The following CUL4B variants were observed in gnomAD, a reference collection of about 807,000 sequenced individuals.
CUL4B encodes cullin-4B.
A neutral mutation model predicts 69.2 loss-of-function variants in CUL4B; 1 was observed. The ratio of observed to expected loss-of-function variants is 0.01; its 90% CI spans 0.01 to 0.07. The LOEUF (loss-of-function observed/expected upper bound fraction) is 0.07. CUL4B is among the 10% of genes least tolerant of loss of function. The pLI, the probability that CUL4B is intolerant of heterozygous loss-of-function variation, is 1.00. For synonymous variants in CUL4B, 237 were observed against 223.2 expected (o/e 1.06, Z -0.55); for missense variants, 328 against 638.8 (o/e 0.51, Z 5.24).
At chrX:120,538,987 T>C (rs979632819) in intron 12 of CUL4B, among the ~76,000 whole-genome samples, 6 of 111,900 alleles carry the variant, frequency 5.4e-5, no homozygotes, top group African/African-American at 1.6e-4. Context: ...ACTGTCTTGA[T>C]TGCATTAACT....
At chrX:120,574,687 G>C in intron 1 of CUL4B, 1 of 877,973 alleles carries the variant, frequency 1.1e-6, no homozygotes. Context: ...TATCTGTATA[G>C]TGTTATGAAT....
At chrX:120,548,469 T>C (rs1924472512) in intron 2 of CUL4B, among the ~76,000 whole-genome samples, 3 of 111,993 alleles carry the variant, frequency 2.7e-5, no homozygotes, top group South Asian at 3.7e-4. Context: ...GCTAGTAGTA[T>C]GATAATGAGT....
At chrX:120,534,158 C>T (rs781300018) in intron 17 of CUL4B, among the ~76,000 whole-genome samples, 47 of 108,064 alleles carry the variant, frequency 4.3e-4, no homozygotes, top group African/African-American at 1.4e-3. Context: ...CCCCTTGAGC[C>T]CAGGAGTTTG....
chrX:120,526,406 C>T lies in CUL4B; in HGVS notation c.*355G>A. On this transcript the variant is annotated 3_prime_UTR_variant, in exon 20 of 20. Coordinates refer to ENST00000371322, the MANE Select transcript of CUL4B (RefSeq NM_001079872.2). ...TAAATGACATTTTAAGCAAATAAACCTTTTGCTTCATAATTAATGGTGTGT... is the reference window on the plus strand; with the variant it reads ...TAAATGACATTTTAAGCAAATAAACTTTTTGCTTCATAATTAATGGTGTGT... 6.0e-6 allele frequency: 1 copy of T among 166,266 alleles called. No individual in the cohort carries two copies. Among genetic ancestry groups the T allele is most frequent in the South Asian group, 1.2e-4 (1 of 8,559 alleles). 13.7% of individuals were successfully genotyped at this position (166,266 alleles called of 1,213,427 possible).
intron 2 of CUL4B, among the ~76,000 whole-genome samples, chrX:120,554,345 G>A (rs1271034068): frequency 1.8e-5 from 2 of 111,743 alleles, no homozygotes; most frequent in African/African-American, 6.5e-5. Flanking sequence ...AAGGCAGGCT[G>A]GACAGCTCAA....
Position 120,560,746 on chromosome X carries a change from A to G in CUL4B, c.-108T>C. ...TGCTAGAGGGGGAAGGGAAGAAAGA[A>G]GAGAGGAGAAACACAGAGGACGAGA... On this transcript the variant is annotated 5_prime_UTR_variant, in exon 1 of 20. Coordinates refer to ENST00000371322, the MANE Select transcript of CUL4B (RefSeq NM_001079872.2). 1.1e-6 allele frequency: 1 copy of G among 912,759 alleles called. No individual in the cohort carries two copies. The highest frequency in any genetic ancestry group is 1.4e-6 in the Non-Finnish European group (1 of 720,873). The allele number at this position is 912,759 out of a possible 1,213,427, so 75.2% of individuals were successfully genotyped here. A position where few individuals can be genotyped will look rare whatever the true frequency, so the allele number is the denominator to read the frequency against.
upstream of CUL4B, among the ~76,000 whole-genome samples, chrX:120,566,287 A>G (rs1292102134): frequency 2.1e-5 from 2 of 97,001 alleles, no homozygotes; most frequent in African/African-American, 3.7e-5. Flanking sequence ...TGCTGAACCT[A>G]TGTGCTAAGT....
Position 120,539,379 on chromosome X carries a change from T to C in CUL4B, c.1637-7A>G, listed in dbSNP as rs962858789. On this transcript the variant is annotated splice_polypyrimidine_tract_variant and splice_region_variant and intron_variant, in intron 11 of 19. Transcript: ENST00000371322. ...TTTGAATCTACATACTTAGCTAAAA[T>C]GGGGGAAAAGTTTGTTGTTTAATAA... 1.9e-5 allele frequency: 21 copies of C among 1,117,087 alleles called. No individual in the cohort carries two copies. Among genetic ancestry groups the C allele is most frequent in the Non-Finnish European group, 2.6e-5 (21 of 814,107 alleles). The allele number at this position is 1,117,087 out of a possible 1,213,427, so 92.1% of individuals were successfully genotyped here. A position where few individuals can be genotyped will look rare whatever the true frequency, so the allele number is the denominator to read the frequency against.
chrX:120,559,423 T>G (rs1398372656), intron 1 of CUL4B, among the ~76,000 whole-genome samples: 2 of 112,465 alleles, frequency 1.8e-5, no homozygotes, highest in African/African-American at 6.5e-5. Flanking sequence ...TACTTTAAAA[T>G]CCATTTTAGT....
In CUL4B at chrX:120,525,839, AAACAACAT is replaced by A. The variant is rs769938750; in HGVS notation, c.*914_*921del. The A allele has an allele frequency of 3.6e-5, 4 of 112,248 alleles. No homozygotes were observed. The highest frequency in any genetic ancestry group is 7.5e-5 in the Non-Finnish European group (4 of 53,269). 9.3% of individuals were successfully genotyped at this position (112,248 alleles called of 1,213,427 possible). A position where few individuals can be genotyped will look rare whatever the true frequency, so the allele number is the denominator to read the frequency against. On this transcript the variant is annotated 3_prime_UTR_variant, in exon 20 of 20. Coordinates refer to ENST00000371322, the MANE Select transcript of CUL4B (RefSeq NM_001079872.2). ...GTCCAAGTTGAAGACAAAACTGTCC[AAACAACAT>A]TTAAAGTCTAAAGTATGTTGAAAAC...
intron 1 of CUL4B, among the ~76,000 whole-genome samples, chrX:120,558,939 A>G (rs1178677340): frequency 9.0e-6 from 1 of 111,603 alleles, no homozygotes; most frequent in East Asian, 2.8e-4. Flanking sequence ...ACTCAATTAC[A>G]ATTCATATTG....
At chrX:120,532,987 G>A (rs1172929335) in intron 17 of CUL4B, among the ~76,000 whole-genome samples, 1 of 112,203 alleles carries the variant, frequency 8.9e-6, no homozygotes, top group Admixed American at 9.4e-5. Flanking sequence ...CCAGTTGCAC[G>A]TTTAAAGGGC....
At chrX:120,570,742 A>G (rs1925686612), downstream of CUL4B, among the ~76,000 whole-genome samples, 1 of 112,695 alleles carries the variant, frequency 8.9e-6, no homozygotes, top group Non-Finnish European at 1.9e-5. Context: ...ACAGCATTGA[A>G]CAATGAATAA....
At chrX:120,542,852 A>T (rs764382485) in intron 9 of CUL4B, 114 bp downstream of exon 9, 26 of 534,177 alleles carry the variant, frequency 4.9e-5, no homozygotes, top group Non-Finnish European at 8.0e-5. Flanking sequence ...GTCCATCCTC[A>T]GAAATGCAGC....
Position 120,560,668 on chromosome X carries a change from C to T in CUL4B, c.-30G>A, listed in dbSNP as rs1925236003. ...ATAGCGGGGTCAACAGGCAGAGGAG[C>T]ATCAAAAACCTACGTTTATATGCCT... On this transcript the variant is annotated 5_prime_UTR_variant, in exon 1 of 20. It removes an upstream start codon present in the reference 5' UTR. Transcript: ENST00000371322. The T allele has an allele frequency of 4.2e-6, 5 of 1,193,743 alleles. No homozygotes were observed. Among genetic ancestry groups the T allele is most frequent in the Admixed American group, 2.2e-5 (1 of 45,389 alleles).
At chrX:120,539,195 T>A (rs954456274) in intron 12 of CUL4B, 73 bp downstream of exon 12, 1 of 569,412 alleles carries the variant, frequency 1.8e-6, no homozygotes, top group Non-Finnish European at 2.8e-6. Flanking sequence ...CCCTCCAGTT[T>A]GAATATACTT....
At chrX:120,565,670 C>CA (rs1198327776), upstream of CUL4B, among the ~76,000 whole-genome samples, 490 of 22,294 alleles carry the variant, frequency 0.022, 19 homozygotes, top group African/African-American at 0.042. Context: ...TGACAGAGTG[C>CA]AAAAAAAAAA....
At chrX:120,571,487 G>A (rs1925710538) in exon 3 of CUL4B, 1 of 111,143 alleles carries the variant, frequency 9.0e-6, no homozygotes, top group South Asian at 3.8e-4. Flanking sequence ...CCTCCAACCT[G>A]GTGGAAGAAT....
intron 2 of CUL4B, among the ~76,000 whole-genome samples, chrX:120,556,762 C>A (rs564101127): frequency 3.6e-5 from 4 of 110,585 alleles, no homozygotes; most frequent in African/African-American, 1.3e-4. Flanking sequence ...GATCCCAAAC[C>A]CATCTTCTGA....
Sources: allele counts gnomAD v4.1 joint callset (sites outside exome capture counted in the v4.1 genomes callset), GRCh38; gene constraint gnomAD v4.1.1; transcripts MANE v1.5; gene names NCBI Gene and HGNC (gene_info 2026-07-23, HGNC 2026-07-21).